The following TBL1XR1 variants were observed in gnomAD, a reference collection of about 807,000 sequenced individuals.
The protein encoded by TBL1XR1 is F-box-like/WD repeat-containing protein TBL1XR1.
In TBL1XR1, 5 loss-of-function variants were observed where a neutral mutation model predicts 66.9. The ratio of observed to expected loss-of-function variants is 0.07; its 90% CI spans 0.04 to 0.16. The LOEUF is 0.16. Among genes scored for constraint, TBL1XR1 ranks in the 10% least tolerant of loss-of-function variants. TBL1XR1 has a pLI of 1.00. For missense variants in TBL1XR1, 238 were observed against 623.2 expected (o/e 0.38, Z 6.58); for synonymous variants, 210 against 206.0 (o/e 1.02, Z -0.17).
chr3:177,161,690 A>T (rs917187635), intron 1 of TBL1XR1, among the ~76,000 whole-genome samples: 9 of 151,998 alleles, frequency 5.9e-5, no homozygotes, highest in African/African-American at 2.2e-4. Flanking sequence ...AGGCTGATGC[A>T]GGAGGATCGC....
chr3:177,179,386 C>T (rs1213179767), intron 1 of TBL1XR1, among the ~76,000 whole-genome samples: 1 of 152,166 alleles, frequency 6.6e-6, no homozygotes, highest in Non-Finnish European at 1.5e-5. Flanking sequence ...ACATAATTCT[C>T]GTATTTACCA....
At chr3:177,140,629 T>C (rs1210295406) in intron 1 of TBL1XR1, among the ~76,000 whole-genome samples, 1 of 152,098 alleles carries the variant, frequency 6.6e-6, no homozygotes, top group East Asian at 1.9e-4. Flanking sequence ...GGCAGCTGAG[T>C]ATGAACCAGA....
chr3:177,125,413 A>G (rs1354401053), intron 1 of TBL1XR1, among the ~76,000 whole-genome samples: 2 of 152,172 alleles, frequency 1.3e-5, no homozygotes, highest in Non-Finnish European at 2.9e-5. Context: ...TATGAGAAAG[A>G]TGAGAAACTG....
chr3:177,037,362 A>C (rs570110049), intron 12 of TBL1XR1: 15 of 152,298 alleles, frequency 9.8e-5, no homozygotes, highest in African/African-American at 3.6e-4. Context: ...GTGATGTCTA[A>C]TTTTATCTGT....
At chr3:177,038,863 G>A (rs1157360571) in intron 10 of TBL1XR1, among the ~76,000 whole-genome samples, 1 of 152,114 alleles carries the variant, frequency 6.6e-6, no homozygotes, top group African/African-American at 2.4e-5. Context: ...TAACCTCTAT[G>A]ATATATCCTC....
chr3:177,076,295 C>T (rs1720692469), intron 2 of TBL1XR1, among the ~76,000 whole-genome samples: 1 of 152,148 alleles, frequency 6.6e-6, no homozygotes, highest in Admixed American at 6.5e-5. Flanking sequence ...CAAATTCGGA[C>T]CATAGAGCTT....
intron 1 of TBL1XR1, among the ~76,000 whole-genome samples, chr3:177,133,138 C>A (rs1034636124): frequency 2.0e-5 from 3 of 151,774 alleles, no homozygotes; most frequent in Non-Finnish European, 4.4e-5. Context: ...ATACAAAAAA[C>A]TAGCCGGGCA....
At chr3:177,069,813 G>GA (rs1560139118) in intron 2 of TBL1XR1, among the ~76,000 whole-genome samples, 30 of 131,822 alleles carry the variant, frequency 2.3e-4, no homozygotes, top group East Asian at 7.1e-4. Flanking sequence ...AGGAAGGAAG[G>GA]AAGGAAGGAA....
At chr3:177,074,713 A>C (rs1255063914) in intron 2 of TBL1XR1, among the ~76,000 whole-genome samples, 2 of 152,232 alleles carry the variant, frequency 1.3e-5, no homozygotes, top group Non-Finnish European at 2.9e-5. Flanking sequence ...CGTTCCTTAA[A>C]GCCAGGTAGG....
intron 2 of TBL1XR1, among the ~76,000 whole-genome samples, chr3:177,086,365 C>T (rs1399178081): frequency 6.6e-6 from 1 of 151,772 alleles, no homozygotes; most frequent in Admixed American, 6.6e-5. Flanking sequence ...TCAACAGCTA[C>T]GTATTTCTAG....
intron 6 of TBL1XR1, 102 bp from the exon 7 acceptor site, chr3:177,050,240 A>G (rs1716874348): frequency 7.0e-7 from 1 of 1,419,332 alleles, no homozygotes; most frequent in Non-Finnish European, 9.5e-7. Context: ...AATAAAAACG[A>G]CTATCACGAA....
chr3:177,097,947 C>T (rs1179045303), intron 2 of TBL1XR1, among the ~76,000 whole-genome samples: 1 of 152,196 alleles, frequency 6.6e-6, no homozygotes, highest in Non-Finnish European at 1.5e-5. Context: ...TGGCTCACAC[C>T]TGTAATCCCA....
intron 14 of TBL1XR1, chr3:177,027,786 G>A (rs899893367): frequency 6.6e-6 from 1 of 152,152 alleles, no homozygotes; most frequent in Non-Finnish European, 1.5e-5. Flanking sequence ...TGATTATCAG[G>A]CTGGGAAGGC....
intron 1 of TBL1XR1, among the ~76,000 whole-genome samples, chr3:177,164,401 G>A (rs1294748317): frequency 6.6e-6 from 1 of 150,646 alleles, no homozygotes; most frequent in Non-Finnish European, 1.5e-5. Flanking sequence ...CCAGGCTGGA[G>A]TGCAATGGCG....
At chr3:177,037,099 GCTCA>G (rs1409881480) in intron 12 of TBL1XR1, among the ~76,000 whole-genome samples, 2 of 152,144 alleles carry the variant, frequency 1.3e-5, no homozygotes, top group African/African-American at 4.8e-5. Flanking sequence ...AACTAGGCTC[GCTCA>G]CTGAGAGATT....
intron 12 of TBL1XR1, among the ~76,000 whole-genome samples, chr3:177,035,416 T>A (rs972372605): frequency 2.0e-5 from 3 of 149,906 alleles, no homozygotes; most frequent in Non-Finnish European, 4.5e-5. Flanking sequence ...TGCCCCAATT[T>A]TTTTTTTTTT....
intron 14 of TBL1XR1, chr3:177,027,202 T>C (rs1713262888): frequency 6.6e-6 from 1 of 152,240 alleles, no homozygotes; most frequent in Non-Finnish European, 1.5e-5. Context: ...TCTCACCGTG[T>C]TGCCCAGGCT....
chr3:177,038,300 A>G lies in TBL1XR1; in HGVS notation c.1047+13T>C. On this transcript the variant is annotated intron_variant, in intron 11 of 15. Transcript: ENST00000457928. The stretch of plus-strand genomic sequence containing the variant: ...AATCATGACCACTTTAATGTGGAAA[A>G]AAGGTTTCTTACCGTATGTCCTTGG... 6.3e-7 allele frequency: 1 copy of G among 1,594,524 alleles called. No homozygotes were observed. Among genetic ancestry groups the G allele is most frequent in the Non-Finnish European group, 8.6e-7 (1 of 1,169,492 alleles).
In TBL1XR1 at chr3:177,034,476, T is replaced by C. The variant is rs147552072; in HGVS notation, c.1123-151A>G. Among the ~76,000 whole-genome samples, 1,153 of 152,012 alleles carry C rather than the reference T, an allele frequency of 7.6e-3. 17 individuals are homozygous for C. Among genetic ancestry groups the C allele is most frequent in the Middle Eastern group, 0.041 (12 of 292 alleles). On this transcript the variant is annotated intron_variant, in intron 12 of 15. Coordinates refer to ENST00000457928, the MANE Select transcript of TBL1XR1 (RefSeq NM_024665.7). ...TAGAATATTTACAAAGAAACTGAAA[T>C]GCAATAGGATATATTTAATATTTAC...
Sources: allele counts gnomAD v4.1 joint callset (sites outside exome capture counted in the v4.1 genomes callset), GRCh38; gene constraint gnomAD v4.1.1; transcripts MANE v1.5; gene names NCBI Gene and HGNC (gene_info 2026-07-23, HGNC 2026-07-21).